The following IPCEF1 variants were observed in gnomAD, a reference collection of about 807,000 sequenced individuals.
IPCEF1 encodes the protein interactor protein for cytohesin exchange factors 1.
IPCEF1 carries 31 observed loss-of-function variants against 50.9 expected under a neutral mutation model. That is an observed-to-expected ratio of 0.61 (90% CI 0.46 to 0.82). The LOEUF is 0.82. Ranked by LOEUF, IPCEF1 falls within the 40% of genes least tolerant of loss-of-function variation. IPCEF1 has a pLI of 0.00. For synonymous variants in IPCEF1, 181 were observed against 192.0 expected (o/e 0.94, Z 0.47); for missense variants, 458 against 514.0 (o/e 0.89, Z 1.05).
rs557538857 is a variant in IPCEF1 at position 154,172,618 on chromosome 6, G to A, written c.911-4505C>T. Among the ~76,000 whole-genome samples, 277 of 152,314 alleles carry A rather than the reference G, an allele frequency of 1.8e-3. 1 individual carries two copies. The highest frequency in any genetic ancestry group is 6.3e-3 in the African/African-American group (263 of 41,578). On this transcript the variant is annotated intron_variant, in intron 10 of 11. Coordinates refer to ENST00000367220, the MANE Select transcript of IPCEF1 (RefSeq NM_001130700.2). The stretch of plus-strand genomic sequence containing the variant: ...ATCCACCATTGCTGAGGCTTGAGTA[G>A]GTGGTTCTATGCTCACAGTGTAAAC...
rs138873938 is a variant in IPCEF1, at chr6:154,302,856, T to C, written c.-61-13100A>G. On this transcript the variant is annotated intron_variant, in intron 1 of 11. Transcript: ENST00000367220. ...TAAGGATTAAATGACATAATTTTCA[T>C]GAATTTACCCAGTTGTCATCAGGCA... 2.8e-3 allele frequency among the ~76,000 whole-genome samples: 429 copies of C among 152,268 alleles called. 8 individuals carry two copies. Among genetic ancestry groups the C allele is most frequent in the Non-Finnish European group, 6.0e-4 (41 of 68,022 alleles).
intron 3 of IPCEF1, among the ~76,000 whole-genome samples, chr6:154,251,846 A>G (rs971768514): frequency 1.1e-4 from 16 of 152,116 alleles, no homozygotes; most frequent in Admixed American, 2.0e-4. Context: ...GGAAGGGTGC[A>G]AGAGAAGACG....
intron 1 of IPCEF1, among the ~76,000 whole-genome samples, chr6:154,334,464 A>C (rs1168354299): frequency 7.2e-6 from 1 of 139,306 alleles, no homozygotes; most frequent in East Asian, 2.8e-4. Context: ...ACTATAAGGC[A>C]TCAAAGGCAA....
At chr6:154,306,083 C>T (rs1583971114) in intron 1 of IPCEF1, among the ~76,000 whole-genome samples, 1 of 152,194 alleles carries the variant, frequency 6.6e-6, no homozygotes, top group East Asian at 1.9e-4. Context: ...ATCTTATTAG[C>T]TCTTTCTTCT....
intron 3 of IPCEF1, among the ~76,000 whole-genome samples, chr6:154,252,676 A>T (rs1286746262): frequency 6.6e-6 from 1 of 152,120 alleles, no homozygotes; most frequent in Non-Finnish European, 1.5e-5. Context: ...CTCCATCTCG[A>T]AAAACAAAAA....
chr6:154,171,305 C>T, intron 10 of IPCEF1, among the ~76,000 whole-genome samples: 1 of 152,040 alleles, frequency 6.6e-6, no homozygotes, highest in East Asian at 1.9e-4. Context: ...ACTCAGTTGT[C>T]CACAATACTT....
chr6:154,164,754 G>C lies in IPCEF1; in HGVS notation c.1104+3166C>G, dbSNP rs145432829. 3.6e-3 allele frequency among the ~76,000 whole-genome samples: 541 copies of C among 152,292 alleles called. 2 individuals are homozygous for C. The highest frequency in any genetic ancestry group is 0.012 in the African/African-American group (492 of 41,558). On this transcript the variant is annotated intron_variant, in intron 11 of 11. Coordinates refer to ENST00000367220, the MANE Select transcript of IPCEF1 (RefSeq NM_001130700.2). ...GTGACATAGGTCAGAGTAACTCAGA[G>C]AGAGTTTCAGTTGGACCCATTAATC...
At position 154,158,818 on chromosome 6, in the gene IPCEF1, CA is replaced by C. The variant is rs1251783807; in HGVS notation, c.*1009del. ...TCTATAAATATATTTAAATAACAAA[CA>C]TAGCTATTCACATAGCACACAAGTG... On this transcript the variant is annotated 3_prime_UTR_variant, in exon 12 of 12. Transcript: ENST00000367220. The C allele has an allele frequency of 6.6e-6, 1 of 152,204 alleles. No individual in the cohort carries two copies. The highest frequency in any genetic ancestry group is 1.5e-5 in the Non-Finnish European group (1 of 68,040). 9.4% of individuals were successfully genotyped at this position (152,204 alleles called of 1,614,324 possible).
At chr6:154,202,844 GA>G (rs56874827) in intron 9 of IPCEF1, among the ~76,000 whole-genome samples, 7,478 of 152,056 alleles carry the variant, frequency 0.049, 305 homozygotes, top group South Asian at 0.19. Context: ...TTTAAATGGA[GA>G]AAAGAAGAAT....
intron 1 of IPCEF1, among the ~76,000 whole-genome samples, chr6:154,305,429 C>T (rs1156724234): frequency 6.6e-6 from 1 of 152,164 alleles, no homozygotes; most frequent in Non-Finnish European, 1.5e-5. Context: ...CTGTCTTCTG[C>T]CTCCTGCTGT....
intron 1 of IPCEF1, among the ~76,000 whole-genome samples, chr6:154,310,896 A>G (rs1334642040): frequency 1.3e-5 from 2 of 152,240 alleles, no homozygotes; most frequent in Non-Finnish European, 2.9e-5. Flanking sequence ...CAAAGGGCAC[A>G]GAGTTTTAGT....
chr6:154,277,763 T>A (rs1185859857), intron 2 of IPCEF1, among the ~76,000 whole-genome samples: 1 of 152,208 alleles, frequency 6.6e-6, no homozygotes, highest in African/African-American at 2.4e-5. Flanking sequence ...CATGTGGGCT[T>A]ATTTTTTTGT....
chr6:154,241,096 C>T (rs1238870461), intron 5 of IPCEF1, among the ~76,000 whole-genome samples: 4 of 151,848 alleles, frequency 2.6e-5, no homozygotes. Context: ...CTTAGCTGGG[C>T]GTGGTGGTGC....
At chr6:154,348,263 T>C (rs1784068161) in intron 1 of IPCEF1, among the ~76,000 whole-genome samples, 1 of 152,180 alleles carries the variant, frequency 6.6e-6, no homozygotes, top group African/African-American at 2.4e-5. Flanking sequence ...ACGCAAAAGC[T>C]GCTCTAGTTG....
At chr6:154,176,045 C>T (rs757036068) in intron 10 of IPCEF1, among the ~76,000 whole-genome samples, 18 of 152,166 alleles carry the variant, frequency 1.2e-4, no homozygotes, top group Non-Finnish European at 2.4e-4. Context: ...CATAATCTAT[C>T]ACATAAACAG....
At chr6:154,171,286 AAAAT>A (rs1799849345) in intron 10 of IPCEF1, among the ~76,000 whole-genome samples, 1 of 152,226 alleles carries the variant, frequency 6.6e-6, no homozygotes, top group Non-Finnish European at 1.5e-5. Context: ...TTCAATAATT[AAAAT>A]AAATACTCAG....
intron 1 of IPCEF1, among the ~76,000 whole-genome samples, chr6:154,292,135 C>G (rs1583954569): frequency 6.6e-6 from 1 of 152,154 alleles, no homozygotes; most frequent in African/African-American, 2.4e-5. Context: ...TGTCTACGGT[C>G]TCCTTTTACC....
intron 1 of IPCEF1, among the ~76,000 whole-genome samples, chr6:154,344,407 A>C (rs1198976478): frequency 6.6e-6 from 1 of 152,166 alleles, no homozygotes; most frequent in African/African-American, 2.4e-5. Flanking sequence ...AGATACTTAC[A>C]TCCTGTTTTT....
intron 5 of IPCEF1, among the ~76,000 whole-genome samples, chr6:154,226,613 C>T (rs918120345): frequency 6.6e-6 from 1 of 152,066 alleles, no homozygotes; most frequent in Non-Finnish European, 1.5e-5. Flanking sequence ...GTTGAATTAC[C>T]GCAAAAGTCT....
Sources: allele counts gnomAD v4.1 joint callset (sites outside exome capture counted in the v4.1 genomes callset), GRCh38; gene constraint gnomAD v4.1.1; transcripts MANE v1.5; gene names NCBI Gene and HGNC (gene_info 2026-07-23, HGNC 2026-07-21).